The following EYS variants were observed in gnomAD, a reference collection of about 807,000 sequenced individuals.
EYS encodes the protein protein eyes shut homolog.
In EYS, 250 loss-of-function variants were observed where a neutral mutation model predicts 282.1. The ratio of observed to expected loss-of-function variants is 0.89; its 90% confidence interval spans 0.80 to 0.98. The LOEUF is 0.98. Ranked by LOEUF, EYS falls within the 50% of genes least tolerant of loss-of-function variation. EYS has a pLI of 0.00. For synonymous variants in EYS, 1,355 were observed against 1,282.9 expected, an observed-to-expected ratio of 1.06 and a Z score of -1.20; for missense variants, 4,016 against 3,709.0, an observed-to-expected ratio of 1.08 and a Z score of -2.15.
chr6:64,499,334 T>C (rs1402755064), intron 26 of EYS, among the ~76,000 whole-genome samples: 1 of 152,212 alleles, frequency 6.6e-6, no homozygotes, highest in Admixed American at 6.5e-5. Context: ...GCTTTTCACA[T>C]ATTAATTCAA....
At chr6:64,558,816 A>G (rs1474755025) in intron 26 of EYS, among the ~76,000 whole-genome samples, 2 of 152,166 alleles carry the variant, frequency 1.3e-5, no homozygotes, top group Non-Finnish European at 2.9e-5. Flanking sequence ...TGTAGAATTC[A>G]GTGTTAAGGT....
chr6:65,399,930 A>C (rs1169411815), intron 7 of EYS, among the ~76,000 whole-genome samples: 2 of 151,992 alleles, frequency 1.3e-5, no homozygotes, highest in Non-Finnish European at 2.9e-5. Context: ...GCCCAATTAC[A>C]TGCTGCAATA....
At chr6:65,139,117 A>C (rs531174910) in intron 12 of EYS, among the ~76,000 whole-genome samples, 86 of 152,238 alleles carry the variant, frequency 5.6e-4, no homozygotes, top group African/African-American at 1.9e-3. Flanking sequence ...TTTTACCATA[A>C]AGACTCATGC....
intron 31 of EYS, among the ~76,000 whole-genome samples, chr6:64,135,716 A>C (rs116584697): frequency 0.019 from 2,948 of 152,188 alleles, 83 homozygotes; most frequent in African/African-American, 0.067. Flanking sequence ...ATTATACTGT[A>C]GTTTAAGTAT....
chr6:64,359,546 C>T (rs892766934), intron 29 of EYS, among the ~76,000 whole-genome samples: 3 of 151,668 alleles, frequency 2.0e-5, no homozygotes, highest in African/African-American at 7.3e-5. Context: ...CTCAGTTCTT[C>T]GGCATCTGTA....
At chr6:65,669,020 T>C (rs533041860) in intron 1 of EYS, among the ~76,000 whole-genome samples, 2 of 152,018 alleles carry the variant, frequency 1.3e-5, no homozygotes, top group African/African-American at 2.4e-5. Context: ...TTATAAACTA[T>C]GGATTCTAAG....
At chr6:65,605,374 C>G (rs769562393) in intron 2 of EYS, among the ~76,000 whole-genome samples, 11 of 151,708 alleles carry the variant, frequency 7.3e-5, no homozygotes, top group Non-Finnish European at 1.5e-4. Context: ...TCTATTATGT[C>G]TTGAAAGAAG....
intron 26 of EYS, among the ~76,000 whole-genome samples, chr6:64,556,081 T>C (rs2149808688): frequency 6.6e-6 from 1 of 152,134 alleles, no homozygotes; most frequent in East Asian, 1.9e-4. Context: ...ATTTAAAAGT[T>C]TCTTTTGTAT....
At chr6:65,329,350 T>C in intron 11 of EYS, 1 of 850,658 alleles carries the variant, frequency 1.2e-6, no homozygotes, top group Non-Finnish European at 1.4e-6. Flanking sequence ...CAATGATATG[T>C]ACTCTAGAAT....
intron 22 of EYS, among the ~76,000 whole-genome samples, chr6:64,656,209 T>C (rs1381563809): frequency 6.6e-6 from 1 of 152,088 alleles, no homozygotes. Flanking sequence ...AAATAAATGC[T>C]GCTATGTTTT....
At chr6:65,220,447 A>T (rs1766433409) in intron 12 of EYS, among the ~76,000 whole-genome samples, 1 of 152,134 alleles carries the variant, frequency 6.6e-6, no homozygotes, top group Non-Finnish European at 1.5e-5. Context: ...TAGTTTATAA[A>T]GAAAAATTCC....
At chr6:64,818,149 C>T (rs1475157345) in intron 21 of EYS, among the ~76,000 whole-genome samples, 3 of 152,122 alleles carry the variant, frequency 2.0e-5, no homozygotes, top group Admixed American at 1.3e-4. Context: ...AAGATACATG[C>T]CATCCTCCTA....
rs149487196 is a variant in EYS at position 65,258,979 on chromosome 6, G to A, written c.2023+36884C>T. Among the ~76,000 whole-genome samples the A allele has an allele frequency of 4.6e-5, 7 of 152,072 alleles. No individual in the cohort carries two copies. The East Asian group carries it at 1.4e-3, about 29-fold the overall frequency. ...GAAATGCAAGCTGGAGGGGAGTACA[G>A]AAGAAAAAATAAATAAACTTTTGTT... On this transcript the variant is annotated intron_variant, in intron 12 of 42. Transcript: ENST00000503581.
intron 8 of EYS, among the ~76,000 whole-genome samples, chr6:65,371,415 G>A: frequency 6.6e-6 from 1 of 151,358 alleles, no homozygotes; most frequent in East Asian, 1.9e-4. Context: ...TTTTAGATTG[G>A]GTTTCTACAG....
At chr6:65,380,584 C>A (rs545825404) in intron 8 of EYS, among the ~76,000 whole-genome samples, 1 of 152,022 alleles carries the variant, frequency 6.6e-6, no homozygotes, top group South Asian at 2.1e-4. Flanking sequence ...GACTAAAACA[C>A]CAAAAGCAAT....
rs766897712 is a variant in EYS at position 64,813,502 on chromosome 6, G to T, written c.3319C>A (p.Arg1107Ser). 15 of 1,550,398 alleles carry T rather than the reference G, an allele frequency of 9.7e-6. No homozygotes were observed. The highest frequency in any genetic ancestry group is 1.2e-5 in the South Asian group (1 of 84,024). The change falls in exon 22 of 43, where the codon CGT (arginine) becomes AGT (serine). Residue 1107 changes from arginine to serine, a missense_variant. Physicochemically the swap from Arg to Ser is moderately radical, Grantham distance 110 (BLOSUM62 -1). Coordinates refer to ENST00000503581, the MANE Select transcript of EYS (RefSeq NM_001142800.2). Reference protein sequence around the residue: ...SAHGFTCICPRGYTGAYCEKS... With the variant: ...SAHGFTCICPSGYTGAYCEKS... ...TCACAGTATGCACCAGTGTATCCAC[G>T]TGGGCAAATGCAAGTAAATCCATGT... is the stretch of plus-strand genomic sequence containing the variant.
chr6:64,822,007 A>G (rs1764914366), intron 20 of EYS, among the ~76,000 whole-genome samples: 1 of 152,062 alleles, frequency 6.6e-6, no homozygotes, highest in South Asian at 2.1e-4. Context: ...AACTGAAGTT[A>G]GCTATGGCCA....
At chr6:64,512,704 A>G (rs1020051512) in intron 26 of EYS, among the ~76,000 whole-genome samples, 3 of 152,052 alleles carry the variant, frequency 2.0e-5, no homozygotes, top group African/African-American at 7.2e-5. Flanking sequence ...AGATTAAAAG[A>G]GAAGAAAACA....
In EYS at chr6:65,165,189, C is replaced by T. The variant is rs138657368; in HGVS notation, c.2024-107462G>A. On this transcript the variant is annotated intron_variant, in intron 12 of 42. Transcript: ENST00000503581. ...AAATACCATAACTCCATTAAGCTAA[C>T]TCTTGACAAATGATGTTTTTGTAAA... Among the ~76,000 whole-genome samples, 384 of 151,198 alleles carry T rather than the reference C, an allele frequency of 2.5e-3. 4 individuals are homozygous for T. Among genetic ancestry groups the T allele is most frequent in the African/African-American group, 8.7e-3 (361 of 41,386 alleles).
Sources: gnomAD v4.1 joint callset for allele counts (sites outside exome capture counted in the v4.1 genomes callset) on GRCh38, gnomAD v4.1.1 for gene constraint, MANE v1.5 for transcripts, NCBI Gene and HGNC (gene_info 2026-07-23, HGNC 2026-07-21) for gene names.